CDH11: variants seen among roughly 807,000 people sequenced by gnomAD.
CDH11 encodes the protein cadherin-11.
Under a neutral mutation model 67.8 loss-of-function variants are expected in CDH11, and 11 were observed. The observed-to-expected ratio is 0.16, with a 90% confidence interval of 0.10 to 0.27. The LOEUF (loss-of-function observed/expected upper bound fraction) is 0.27, where lower values mean the gene tolerates loss of function less well. Ranked by LOEUF, CDH11 falls within the 10% of genes least tolerant of loss-of-function variation. The probability of loss-of-function intolerance (pLI) is 1.00; values close to 1 mark genes in which losing one functional copy is unlikely to be tolerated. For missense variants in CDH11, 847 were observed against 1,031.2 expected, an observed-to-expected ratio of 0.82 and a Z score of 2.45; for synonymous variants, 419 against 400.0, an observed-to-expected ratio of 1.05 and a Z score of -0.57.
intron 1 of CDH11, among the ~76,000 whole-genome samples, chr16:65,116,885 T>A (rs2075254215): frequency 6.6e-6 from 1 of 152,162 alleles, no homozygotes; most frequent in Admixed American, 6.5e-5. Flanking sequence ...TCTCACTTAA[T>A]ATCCCGATGT....
At chr16:65,025,016 T>C (rs2073503084) in intron 2 of CDH11, among the ~76,000 whole-genome samples, 1 of 152,186 alleles carries the variant, frequency 6.6e-6, no homozygotes, top group Non-Finnish European at 1.5e-5. Flanking sequence ...ACCAACAGAC[T>C]CCCTGTCTCA....
At chr16:65,005,086 C>T (rs1184682495) in intron 2 of CDH11, 45 bp from the exon 3 acceptor site, 4 of 1,338,802 alleles carry the variant, frequency 3.0e-6, no homozygotes, top group Non-Finnish European at 3.8e-6. Context: ...CAAATCCCCA[C>T]TTCATTTCCA....
At chr16:65,049,120 T>C (rs996205634) in intron 2 of CDH11, among the ~76,000 whole-genome samples, 4 of 152,116 alleles carry the variant, frequency 2.6e-5, no homozygotes, top group African/African-American at 9.7e-5. Flanking sequence ...ATGGGTGTAC[T>C]AGAAGCCCAA....
Position 65,024,854 on chromosome 16 carries a change from G to A in CDH11, c.-172-19813C>T, listed in dbSNP as rs955561450. On this transcript the variant is annotated intron_variant, in intron 2 of 12. Coordinates refer to ENST00000268603, the MANE Select transcript of CDH11 (RefSeq NM_001797.4). ...AATATACTAGAAAACCAAGGGATCA[G>A]GGAACACAATGCCAGGAAGAGCTGA... 3.9e-5 allele frequency among the ~76,000 whole-genome samples: 6 copies of A among 152,218 alleles called. No homozygotes were observed. In the East Asian group the frequency reaches 9.6e-4, roughly 24 times the overall value.
At chr16:64,962,133 T>C in intron 11 of CDH11, among the ~76,000 whole-genome samples, 1 of 152,196 alleles carries the variant, frequency 6.6e-6, no homozygotes, top group East Asian at 1.9e-4. Context: ...GTTATTGCTC[T>C]AGAAAACCCA....
chr16:64,978,189 G>A (rs2072231655), intron 8 of CDH11, among the ~76,000 whole-genome samples: 1 of 152,174 alleles, frequency 6.6e-6, no homozygotes, highest in Admixed American at 6.5e-5. Context: ...CTCAAAAACT[G>A]TGAGCTTGAC....
intron 1 of CDH11, among the ~76,000 whole-genome samples, chr16:65,090,173 A>C (rs756429056): frequency 2.8e-4 from 42 of 152,144 alleles, no homozygotes; most frequent in Admixed American, 8.5e-4. Context: ...TATTCTGAAA[A>C]CTGACATGTT....
At position 64,946,666 on chromosome 16, in the gene CDH11, A is replaced by G. The variant is rs902521260; in HGVS notation, c.*937T>C. On this transcript the variant is annotated 3_prime_UTR_variant, in exon 13 of 13. Coordinates refer to ENST00000268603, the MANE Select transcript of CDH11 (RefSeq NM_001797.4). The stretch of plus-strand genomic sequence containing the variant: ...TAAATAAACAATAAAAGCAGCAGAC[A>G]GACAACAACAGATCATAAATAGGGT... 10 of 972,130 alleles carry G rather than the reference A, an allele frequency of 1.0e-5. No individual in the cohort carries two copies. The highest frequency in any genetic ancestry group is 4.8e-4 in the Middle Eastern group (1 of 2,066). The allele number at this position is 972,130 out of a possible 1,614,324, so 60.2% of individuals were successfully genotyped here. A position where few individuals can be genotyped will look rare whatever the true frequency, so the allele number is the denominator to read the frequency against.
chr16:65,099,175 C>T (rs2074948312), intron 1 of CDH11, among the ~76,000 whole-genome samples: 1 of 151,900 alleles, frequency 6.6e-6, no homozygotes, highest in African/African-American at 2.4e-5. Context: ...GACGGCTGTA[C>T]GATAATAAAT....
intron 2 of CDH11, among the ~76,000 whole-genome samples, chr16:65,049,420 T>A (rs1255250442): frequency 6.6e-6 from 1 of 152,040 alleles, no homozygotes; most frequent in African/African-American, 2.4e-5. Flanking sequence ...GCAAGTTCTT[T>A]AACTTCTCTA....
intron 1 of CDH11, among the ~76,000 whole-genome samples, chr16:65,054,303 CAA>C (rs2074108487): frequency 6.6e-6 from 1 of 152,164 alleles, no homozygotes; most frequent in Non-Finnish European, 1.5e-5. Context: ...ACCTATGTTC[CAA>C]AGCCAAAGCA....
intron 1 of CDH11, among the ~76,000 whole-genome samples, chr16:65,073,813 C>G (rs1337093350): frequency 6.6e-6 from 1 of 152,122 alleles, no homozygotes; most frequent in Non-Finnish European, 1.5e-5. Context: ...GGGATGAGGT[C>G]CAGGTCCTGC....
intron 7 of CDH11, chr16:64,987,908 C>T (rs928422731): frequency 8.3e-6 from 3 of 359,854 alleles, no homozygotes; most frequent in Non-Finnish European, 1.5e-5. Context: ...TTCCCTCCAT[C>T]GGAAAACATT....
At chr16:65,083,733 G>A (rs1404633919) in intron 1 of CDH11, among the ~76,000 whole-genome samples, 1 of 152,224 alleles carries the variant, frequency 6.6e-6, no homozygotes, top group Non-Finnish European at 1.5e-5. Flanking sequence ...AGGGGTGGCT[G>A]ACATCACAAG....
intron 1 of CDH11, 89 bp from the exon 2 acceptor site, chr16:65,054,017 C>T (rs2074101581): frequency 4.9e-6 from 2 of 404,432 alleles, no homozygotes; most frequent in African/African-American, 4.1e-5. Flanking sequence ...ATATGACAGA[C>T]TTTTCTCTTA....
At chr16:65,026,695 C>T (rs2073541589) in intron 2 of CDH11, among the ~76,000 whole-genome samples, 1 of 152,150 alleles carries the variant, frequency 6.6e-6, no homozygotes, top group Admixed American at 6.5e-5. Context: ...TTTCATACTT[C>T]CTTAGGGGAA....
chr16:65,119,490 G>T (rs1045785250), intron 1 of CDH11, among the ~76,000 whole-genome samples: 1 of 152,058 alleles, frequency 6.6e-6, no homozygotes, highest in African/African-American at 2.4e-5. Context: ...CGTAATGAAA[G>T]TTCTGAAGTG....
At chr16:64,964,176 G>C (rs1054696138) in intron 11 of CDH11, among the ~76,000 whole-genome samples, 44 of 152,176 alleles carry the variant, frequency 2.9e-4, no homozygotes, top group African/African-American at 1.1e-3. Flanking sequence ...TAGTGACAGG[G>C]AAGCATCCTG....
At chr16:65,028,210 C>T (rs2142607212) in intron 2 of CDH11, among the ~76,000 whole-genome samples, 1 of 152,286 alleles carries the variant, frequency 6.6e-6, no homozygotes, top group East Asian at 1.9e-4. Flanking sequence ...CGCTGCTCTG[C>T]TGAGATGCCC....
Sources: allele counts gnomAD v4.1 joint callset (sites outside exome capture counted in the v4.1 genomes callset), GRCh38; gene constraint gnomAD v4.1.1; transcripts MANE v1.5; gene names NCBI Gene and HGNC (gene_info 2026-07-23, HGNC 2026-07-21).